Variants in FNDC3B observed in about 807,000 individuals in gnomAD.
The protein encoded by FNDC3B is fibronectin type III domain containing 3B.
A neutral mutation model predicts 151.5 loss-of-function variants in FNDC3B; 12 were observed. That is an observed-to-expected ratio of 0.08 (90% confidence interval 0.05 to 0.13). FNDC3B has a LOEUF of 0.13. Ranked by LOEUF, FNDC3B falls within the 10% of genes least tolerant of loss-of-function variation. The probability of loss-of-function intolerance (pLI) is 1.00; values close to 1 mark genes in which losing one functional copy is unlikely to be tolerated. For synonymous variants in FNDC3B, 528 were observed against 549.0 expected, an observed-to-expected ratio of 0.96 and a Z score of 0.54; for missense variants, 1,214 against 1,505.3, an observed-to-expected ratio of 0.81 and a Z score of 3.20.
In FNDC3B at chr3:172,381,099, A is replaced by G; in HGVS notation, c.3303+6A>G. The G allele has an allele frequency of 6.2e-7, 1 of 1,613,128 alleles. No homozygotes were observed. ...GAGAATCTGAGTACAAACAGGTAAG[A>G]ACCAGTGTGCATGGCACATGTGCAA... On this transcript the variant is annotated splice_donor_region_variant and intron_variant, in intron 25 of 25. Transcript: ENST00000415807.
chr3:172,221,860 A>G (rs753296974), intron 3 of FNDC3B, among the ~76,000 whole-genome samples: 10 of 152,176 alleles, frequency 6.6e-5, no homozygotes, highest in Non-Finnish European at 1.2e-4. Flanking sequence ...AACAGCTTAA[A>G]TGTACTTGTA....
At chr3:172,192,430 C>T (rs1466874922) in intron 3 of FNDC3B, among the ~76,000 whole-genome samples, 1 of 151,866 alleles carries the variant, frequency 6.6e-6, no homozygotes, top group Non-Finnish European at 1.5e-5. Flanking sequence ...TGTGATCCGC[C>T]CGCCTCGGCC....
intron 25 of FNDC3B, among the ~76,000 whole-genome samples, chr3:172,393,868 G>C (rs1307713808): frequency 1.3e-5 from 2 of 151,982 alleles, no homozygotes; most frequent in African/African-American, 4.8e-5. Context: ...CAGCACTTTG[G>C]GAGGCTGAGG....
At chr3:172,180,950 A>T (rs1224907603) in intron 3 of FNDC3B, among the ~76,000 whole-genome samples, 1 of 152,110 alleles carries the variant, frequency 6.6e-6, no homozygotes, top group African/African-American at 2.4e-5. Context: ...AAAAAATATA[A>T]TGGGGGGAGA....
chr3:172,325,237 C>T (rs555712037), intron 11 of FNDC3B, among the ~76,000 whole-genome samples: 7 of 152,150 alleles, frequency 4.6e-5, no homozygotes, highest in South Asian at 2.1e-4. Context: ...ACTAAGTTTC[C>T]GAAGTCAAGT....
intron 3 of FNDC3B, among the ~76,000 whole-genome samples, chr3:172,214,545 T>TG (rs57242264): frequency 2.0e-5 from 3 of 148,242 alleles, no homozygotes; most frequent in South Asian, 2.2e-4. Flanking sequence ...TATGACTCTG[T>TG]TTTATGGAAT....
intron 1 of FNDC3B, among the ~76,000 whole-genome samples, chr3:172,045,904 A>G (rs1176904131): frequency 2.0e-5 from 3 of 152,106 alleles, no homozygotes; most frequent in African/African-American, 2.4e-5. Context: ...GGGCAGGTAG[A>G]CAAGCACAGG....
chr3:172,202,398 G>A (rs953319518), intron 3 of FNDC3B, among the ~76,000 whole-genome samples: 2 of 152,168 alleles, frequency 1.3e-5, no homozygotes, highest in Admixed American at 1.3e-4. Context: ...CTTCTGCCTT[G>A]CTTTGGCTTT....
chr3:172,301,736 T>C (rs1730920946), intron 9 of FNDC3B: 1 of 152,160 alleles, frequency 6.6e-6, no homozygotes, highest in Non-Finnish European at 1.5e-5. Flanking sequence ...TGTATGCCCG[T>C]GGTCCCAGCT....
intron 3 of FNDC3B, chr3:172,148,614 C>T (rs999217044): frequency 7.9e-5 from 12 of 152,124 alleles, no homozygotes; most frequent in Non-Finnish European, 1.6e-4. Flanking sequence ...TGGAATTACA[C>T]ATTTCTTTTT....
rs142265664 is a variant in FNDC3B, at chr3:172,120,567, TG to T, written c.111+7986del. Among the ~76,000 whole-genome samples, 884 of 149,728 alleles carry T rather than the reference TG, an allele frequency of 5.9e-3. 5 individuals are homozygous for T. Among genetic ancestry groups the T allele is most frequent in the African/African-American group, 0.018 (743 of 40,562 alleles). ...GCTTATTGCCTTTGTCATACAGGCA[TG>T]GGGGGGGGTGTGTGTGTTGTTTTTG... On this transcript the variant is annotated intron_variant, in intron 2 of 25. Transcript: ENST00000415807.
chr3:172,120,574 G>T (rs1177835430), intron 2 of FNDC3B, among the ~76,000 whole-genome samples: 5 of 151,830 alleles, frequency 3.3e-5, no homozygotes, highest in East Asian at 3.9e-4. Flanking sequence ...GCATGGGGGG[G>T]GGTGTGTGTG....
intron 8 of FNDC3B, among the ~76,000 whole-genome samples, chr3:172,296,828 C>T (rs1172680518): frequency 6.6e-6 from 1 of 152,120 alleles, no homozygotes; most frequent in African/African-American, 2.4e-5. Context: ...ACAATATTCA[C>T]GGGATATGAG....
chr3:172,366,270 A>C (rs1001966313), intron 23 of FNDC3B, among the ~76,000 whole-genome samples: 5 of 152,200 alleles, frequency 3.3e-5, no homozygotes, highest in Admixed American at 6.5e-5. Context: ...TGTTTTTAAC[A>C]TTCTAAAGGA....
Position 172,397,383 on chromosome 3 carries a change from A to G in FNDC3B, c.3523A>G (p.Thr1175Ala), listed in dbSNP as rs140266078. 9 of 1,614,000 alleles carry G rather than the reference A, an allele frequency of 5.6e-6. No homozygotes were observed. Among genetic ancestry groups the G allele is most frequent in the Non-Finnish European group, 7.6e-6 (9 of 1,179,958 alleles). Residue 1175 changes from threonine (T) to alanine (A), a missense_variant, in exon 26 of 26, where the codon ACT becomes GCT. Physicochemically the swap from Thr to Ala is moderately conservative, Grantham distance 58. Transcript: ENST00000415807. ...DDPKMKSMMP[T>A]DEQFAAIIVL... ...TCCCAAAATGAAGAGCATGATGCCT[A>G]CTGATGAACAGTTTGCAGCCATCAT...
chr3:172,247,881 G>C, intron 5 of FNDC3B, 105 bp downstream of exon 5: 1 of 1,288,566 alleles, frequency 7.8e-7, no homozygotes, highest in Non-Finnish European at 1.1e-6. Context: ...AGTAGAAAAG[G>C]ATCTAGGTGG....
At chr3:172,303,574 A>C (rs1283379567) in intron 9 of FNDC3B, among the ~76,000 whole-genome samples, 1 of 152,224 alleles carries the variant, frequency 6.6e-6, no homozygotes, top group Non-Finnish European at 1.5e-5. Flanking sequence ...AACAAGATTA[A>C]TTATATTGTT....
intron 3 of FNDC3B, among the ~76,000 whole-genome samples, chr3:172,219,930 T>C (rs941153912): frequency 7.9e-5 from 12 of 152,254 alleles, no homozygotes; most frequent in African/African-American, 2.7e-4. Context: ...TGAACATGCC[T>C]GTAGATGTGT....
chr3:172,135,978 A>G (rs1313466600), intron 3 of FNDC3B, among the ~76,000 whole-genome samples: 1 of 152,176 alleles, frequency 6.6e-6, no homozygotes, highest in Admixed American at 6.5e-5. Context: ...CATTGCTAAC[A>G]TTTATTCATC....
Sources: allele counts gnomAD v4.1 joint callset (sites outside exome capture counted in the v4.1 genomes callset), GRCh38; gene constraint gnomAD v4.1.1; transcripts MANE v1.5; gene names NCBI Gene and HGNC (gene_info 2026-07-23, HGNC 2026-07-21).